The following CFAP299 variants were observed in gnomAD, a reference collection of about 807,000 sequenced individuals.
CFAP299 encodes cilia- and flagella-associated protein 299.
CFAP299 carries 21 observed loss-of-function variants against 27.0 expected under a neutral mutation model. The observed-to-expected ratio is 0.78, with a 90% CI of 0.55 to 1.12. CFAP299 has a LOEUF of 1.12. Among genes scored for constraint, CFAP299 ranks in the 50% most tolerant of loss-of-function variants. The pLI, the probability that CFAP299 is intolerant of heterozygous loss-of-function variation, is 0.00. For synonymous variants in CFAP299, 104 were observed against 98.1 expected (o/e 1.06, Z -0.36); for missense variants, 310 against 276.6 (o/e 1.12, Z -0.86).
At chr4:80,366,150 AT>A (rs1449930720) in intron 2 of CFAP299, among the ~76,000 whole-genome samples, 1 of 152,144 alleles carries the variant, frequency 6.6e-6, no homozygotes, top group Non-Finnish European at 1.5e-5. Context: ...CTGTGCCTAT[AT>A]TTGTTGGAGG....
intron 2 of CFAP299, among the ~76,000 whole-genome samples, chr4:80,516,588 C>CT (rs1440423063): frequency 6.6e-6 from 1 of 152,094 alleles, no homozygotes; most frequent in Non-Finnish European, 1.5e-5. Flanking sequence ...TGAGAACTCA[C>CT]TTATCACCAA....
At chr4:80,920,606 C>T (rs1365247917) in intron 4 of CFAP299, among the ~76,000 whole-genome samples, 3 of 152,160 alleles carry the variant, frequency 2.0e-5, no homozygotes. Flanking sequence ...CCAGCCTATT[C>T]TAAGACATGC....
chr4:80,460,101 A>G (rs1431359443), intron 2 of CFAP299, among the ~76,000 whole-genome samples: 1 of 152,212 alleles, frequency 6.6e-6, no homozygotes, highest in Non-Finnish European at 1.5e-5. Context: ...GAGAGGCCTT[A>G]GCTGGCAAAG....
intron 3 of CFAP299, among the ~76,000 whole-genome samples, chr4:80,773,544 G>T (rs1162090568): frequency 6.6e-6 from 1 of 152,118 alleles, no homozygotes; most frequent in Non-Finnish European, 1.5e-5. Flanking sequence ...TAATTCTGCA[G>T]AGATGATAAC....
chr4:80,518,256 C>A (rs1732684092), intron 2 of CFAP299, among the ~76,000 whole-genome samples: 1 of 151,924 alleles, frequency 6.6e-6, no homozygotes, highest in Admixed American at 6.6e-5. Flanking sequence ...GTGAAATGAT[C>A]AAGAGACTCG....
chr4:80,766,340 TAA>T (rs1725862048), intron 3 of CFAP299, among the ~76,000 whole-genome samples: 1 of 152,178 alleles, frequency 6.6e-6, no homozygotes, highest in Non-Finnish European at 1.5e-5. Context: ...TGTTCAGGAC[TAA>T]GATTGTACTT....
At chr4:80,873,193 T>C (rs1420221657) in intron 4 of CFAP299, 4 of 183,538 alleles carry the variant, frequency 2.2e-5, no homozygotes, top group Non-Finnish European at 4.1e-5. Context: ...GTTCCATACT[T>C]AGTTTGATTC....
intron 4 of CFAP299, among the ~76,000 whole-genome samples, chr4:80,875,437 G>A (rs181810115): frequency 0.037 from 5,661 of 152,130 alleles, 161 homozygotes; most frequent in Non-Finnish European, 0.056. Context: ...CGAGGCGGGT[G>A]GATCACAAGG....
chr4:80,878,724 G>A (rs1733542109), intron 4 of CFAP299, among the ~76,000 whole-genome samples: 1 of 151,996 alleles, frequency 6.6e-6, no homozygotes. Flanking sequence ...TTAGAAGAAA[G>A]GATAGTACTT....
At chr4:80,786,163 C>A (rs1727235503) in intron 3 of CFAP299, among the ~76,000 whole-genome samples, 1 of 151,960 alleles carries the variant, frequency 6.6e-6, no homozygotes, top group South Asian at 2.1e-4. Context: ...GTGAAGTATA[C>A]CCTCTGTTTT....
At chr4:80,419,360 G>A (rs1445240071) in intron 2 of CFAP299, among the ~76,000 whole-genome samples, 2 of 152,128 alleles carry the variant, frequency 1.3e-5, no homozygotes, top group African/African-American at 4.8e-5. Flanking sequence ...TGGGAAGGGA[G>A]GAATGCATGA....
chr4:80,327,701 T>TATATAACTTCAATAC, the CFAP299 span, among the ~76,000 whole-genome samples: 12 of 61,182 alleles, frequency 2.0e-4, no homozygotes, highest in Non-Finnish European at 2.9e-4. Context: ...TATATATATA[T>TATATAACTTCAATAC]ATATATATAT....
intron 2 of CFAP299, among the ~76,000 whole-genome samples, chr4:80,468,470 C>T (rs1452861352): frequency 2.0e-5 from 3 of 151,930 alleles, no homozygotes; most frequent in South Asian, 2.1e-4. Flanking sequence ...GTGTTCCACC[C>T]GCCTTGTTCT....
intron 3 of CFAP299, among the ~76,000 whole-genome samples, chr4:80,837,099 A>C (rs959711294): frequency 2.6e-5 from 4 of 152,076 alleles, no homozygotes; most frequent in African/African-American, 9.7e-5. Flanking sequence ...TTTGAAGCAA[A>C]TGATAAAATT....
intron 2 of CFAP299, among the ~76,000 whole-genome samples, chr4:80,571,157 T>C (rs570488317): frequency 6.6e-6 from 1 of 152,010 alleles, no homozygotes; most frequent in Admixed American, 6.6e-5. Context: ...GGTGGGAAAA[T>C]GGAGTTGTGA....
chr4:80,712,100 G>A (rs185377647), intron 3 of CFAP299, among the ~76,000 whole-genome samples: 15 of 152,190 alleles, frequency 9.9e-5, no homozygotes, highest in Admixed American at 8.5e-4. Flanking sequence ...GCATCTGGTG[G>A]GCTTACACAT....
intron 3 of CFAP299, among the ~76,000 whole-genome samples, chr4:80,653,152 A>T (rs1382449611): frequency 1.3e-5 from 2 of 152,138 alleles, no homozygotes; most frequent in Non-Finnish European, 2.9e-5. Context: ...TGTATATCAG[A>T]TATACATAAA....
At chr4:80,371,257 A>C (rs1724136303) in intron 2 of CFAP299, among the ~76,000 whole-genome samples, 1 of 152,238 alleles carries the variant, frequency 6.6e-6, no homozygotes, top group Non-Finnish European at 1.5e-5. Flanking sequence ...ACTGGGCTTA[A>C]CACATAAAAT....
chr4:80,638,206 C>T (rs1324178834), intron 3 of CFAP299, among the ~76,000 whole-genome samples: 1 of 152,152 alleles, frequency 6.6e-6, no homozygotes, highest in Non-Finnish European at 1.5e-5. Context: ...CTGCTGCAGG[C>T]CCTTTTCACA....
Sources: allele counts gnomAD v4.1 joint callset (sites outside exome capture counted in the v4.1 genomes callset), GRCh38; gene constraint gnomAD v4.1.1; transcripts MANE v1.5; gene names NCBI Gene and HGNC (gene_info 2026-07-23, HGNC 2026-07-21).